Variants in SPATS2L observed in about 807,000 individuals in gnomAD.
SPATS2L encodes spermatogenesis associated serine rich 2 like.
Under a neutral mutation model 59.6 loss-of-function variants are expected in SPATS2L, and 30 were observed. The ratio of observed to expected loss-of-function variants is 0.50; its 90% confidence interval spans 0.38 to 0.68. SPATS2L has a LOEUF of 0.68. Ranked by LOEUF, SPATS2L falls within the 30% of genes least tolerant of loss-of-function variation. The pLI, the probability that SPATS2L is intolerant of heterozygous loss-of-function variation, is 0.00. For synonymous variants in SPATS2L, 252 were observed against 263.5 expected (o/e 0.96, Z 0.42); for missense variants, 615 against 700.0 (o/e 0.88, Z 1.37).
Position 200,450,816 on chromosome 2 carries a change from A to G in SPATS2L, c.789-8953A>G, listed in dbSNP as rs576748235. ...GCACTAGTGGCTGCAGATGTAAACA[A>G]GCTGGAATGGAGCTGGGGGGAGGAA... On this transcript the variant is annotated intron_variant, in intron 8 of 12. Transcript: ENST00000409140. Among the ~76,000 whole-genome samples, 4 of 152,312 alleles carry G rather than the reference A, an allele frequency of 2.6e-5. No individual in the cohort carries two copies. In the South Asian group the frequency reaches 8.3e-4, roughly 32 times the overall value.
intron 2 of SPATS2L, among the ~76,000 whole-genome samples, chr2:200,360,551 C>T (rs2081061634): frequency 6.6e-6 from 1 of 152,188 alleles, no homozygotes; most frequent in South Asian, 2.1e-4. Context: ...GCAGAAGGAT[C>T]CTATCGGAGT....
chr2:200,422,625 T>C (rs536905806), intron 6 of SPATS2L, among the ~76,000 whole-genome samples: 1 of 152,238 alleles, frequency 6.6e-6, no homozygotes, highest in Non-Finnish European at 1.5e-5. Context: ...ATTCTCCTTA[T>C]TGGCCCTTAA....
At chr2:200,440,863 T>C in intron 8 of SPATS2L, 79 bp downstream of exon 8, 1 of 1,513,786 alleles carries the variant, frequency 6.6e-7, no homozygotes, top group Non-Finnish European at 9.0e-7. Flanking sequence ...ATGGAAAACG[T>C]TGTTTATTTA....
Position 200,318,712 on chromosome 2 carries a change from C to G in SPATS2L, c.-72-10719C>G, listed in dbSNP as rs560124712. 2.6e-4 allele frequency among the ~76,000 whole-genome samples: 40 copies of G among 152,252 alleles called. 1 individual carries two copies. Among genetic ancestry groups the G allele is most frequent in the African/African-American group, 8.2e-4 (34 of 41,542 alleles). On this transcript the variant is annotated intron_variant, in intron 1 of 12. Coordinates refer to ENST00000409140, the MANE Select transcript of SPATS2L (RefSeq NM_001100423.2). ...TTTAGATATTACTTACATGTGTGTA[C>G]TAGGAGTATCTTCATGAAACTCAGT...
rs2087724989 is a variant in SPATS2L, at chr2:200,479,331, G to C, written c.*1300G>C. ...TTTCCACACTGTCCAGAGGAGAGAA[G>C]TTATCCTAGTAGCTTCTACACAGAG... On this transcript the variant is annotated 3_prime_UTR_variant, in exon 13 of 13. Coordinates refer to ENST00000409140, the MANE Select transcript of SPATS2L (RefSeq NM_001100423.2). 5.2e-6 allele frequency: 2 copies of C among 385,110 alleles called. No individual in the cohort carries two copies. The highest frequency in any genetic ancestry group is 4.6e-6 in the Non-Finnish European group (1 of 218,062). The allele number at this position is 385,110 out of a possible 1,614,324, so 23.9% of individuals were successfully genotyped here. A position where few individuals can be genotyped will look rare whatever the true frequency, so the allele number is the denominator to read the frequency against.
chr2:200,327,879 C>CAT (rs1553506939), intron 1 of SPATS2L, among the ~76,000 whole-genome samples: 1 of 152,054 alleles, frequency 6.6e-6, no homozygotes, highest in Admixed American at 6.5e-5. Flanking sequence ...CACACACACA[C>CAT]ATACACACGC....
chr2:200,374,410 A>T (rs1313503515), intron 2 of SPATS2L, among the ~76,000 whole-genome samples: 3 of 152,196 alleles, frequency 2.0e-5, no homozygotes, highest in Non-Finnish European at 4.4e-5. Flanking sequence ...AACTAAAGCC[A>T]TCTCATCCCT....
At chr2:200,420,767 T>TA (rs2083277637) in intron 6 of SPATS2L, among the ~76,000 whole-genome samples, 1 of 152,100 alleles carries the variant, frequency 6.6e-6, no homozygotes, top group African/African-American at 2.4e-5. Context: ...TATATATATA[T>TA]TTTTTTAAAA....
At chr2:200,354,787 T>C (rs1034359578) in intron 2 of SPATS2L, among the ~76,000 whole-genome samples, 1 of 152,204 alleles carries the variant, frequency 6.6e-6, no homozygotes, top group East Asian at 1.9e-4. Flanking sequence ...TGTCTGTAGA[T>C]GTATTTTAAA....
At chr2:200,445,245 C>T (rs1460039853) in intron 8 of SPATS2L, among the ~76,000 whole-genome samples, 1 of 152,070 alleles carries the variant, frequency 6.6e-6, no homozygotes, top group East Asian at 1.9e-4. Context: ...TCTAGGAAGT[C>T]GAGGCTGTGG....
intron 3 of SPATS2L, chr2:200,393,272 T>C (rs1284098496): frequency 8.8e-6 from 4 of 456,596 alleles, no homozygotes; most frequent in Non-Finnish European, 1.8e-5. Flanking sequence ...CAGACCAATA[T>C]GGTAGGCAGA....
chr2:200,380,068 T>G (rs1057412200), intron 2 of SPATS2L, among the ~76,000 whole-genome samples: 5 of 152,134 alleles, frequency 3.3e-5, no homozygotes, highest in Non-Finnish European at 2.9e-5. Flanking sequence ...CAGAGACCTA[T>G]GAAATGAAAT....
At position 200,416,447 on chromosome 2, in the gene SPATS2L, G is replaced by T; in HGVS notation, c.198+19G>T. 7.6e-7 allele frequency: 1 copy of T among 1,308,644 alleles called. No homozygotes were observed. The highest frequency in any genetic ancestry group is 2.6e-5 in the Admixed American group (1 of 37,914). 81.1% of individuals were successfully genotyped at this position (1,308,644 alleles called of 1,614,324 possible). ...AAAGAAGGTAAGATTAATATTGATT[G>T]TAAATTGGTAACATCTTCAATCAAA... On this transcript the variant is annotated intron_variant, in intron 5 of 12. Transcript: ENST00000409140.
chr2:200,464,148 T>C (rs887352519), intron 9 of SPATS2L, among the ~76,000 whole-genome samples: 1 of 152,264 alleles, frequency 6.6e-6, no homozygotes, highest in East Asian at 1.9e-4. Flanking sequence ...TATTATTCTA[T>C]TGTAAATTAC....
At chr2:200,311,779 A>G (rs926217549) in intron 1 of SPATS2L, among the ~76,000 whole-genome samples, 2 of 152,222 alleles carry the variant, frequency 1.3e-5, no homozygotes, top group Non-Finnish European at 2.9e-5. Flanking sequence ...AAAAAATAAC[A>G]GACGTATCCC....
At chr2:200,343,200 T>C (rs2080390701) in intron 2 of SPATS2L, among the ~76,000 whole-genome samples, 1 of 152,206 alleles carries the variant, frequency 6.6e-6, no homozygotes. Context: ...TAGAATGTTT[T>C]TAAGAATGTT....
chr2:200,364,913 T>G (rs1482317101), intron 2 of SPATS2L, among the ~76,000 whole-genome samples: 1 of 152,180 alleles, frequency 6.6e-6, no homozygotes, highest in Admixed American at 6.5e-5. Flanking sequence ...ATAAACTCCG[T>G]GTATTGTTTT....
At chr2:200,473,173 T>C in intron 12 of SPATS2L, 121 bp downstream of exon 12, 1 of 941,856 alleles carries the variant, frequency 1.1e-6, no homozygotes, top group Non-Finnish European at 1.6e-6. Flanking sequence ...TCCCGCCACC[T>C]GCCCTCACCC....
At chr2:200,393,118 G>A (rs1233352246) in intron 3 of SPATS2L, 9 of 437,030 alleles carry the variant, frequency 2.1e-5, no homozygotes, top group South Asian at 1.1e-4. Flanking sequence ...TGGGTTGGGC[G>A]CCATGGTGCT....
Sources: gnomAD v4.1 joint callset for allele counts (sites outside exome capture counted in the v4.1 genomes callset) on GRCh38, gnomAD v4.1.1 for gene constraint, MANE v1.5 for transcripts, NCBI Gene and HGNC (gene_info 2026-07-23, HGNC 2026-07-21) for gene names.